The following RPRD1A variants were observed in gnomAD, a reference collection of about 807,000 sequenced individuals.
RPRD1A encodes regulation of nuclear pre-mRNA domain containing 1A.
A neutral mutation model predicts 37.8 loss-of-function variants in RPRD1A; 9 were observed. That is an observed-to-expected ratio of 0.24 (90% CI 0.14 to 0.42). The LOEUF is 0.42. Among genes scored for constraint, RPRD1A ranks in the 10% least tolerant of loss-of-function variants. RPRD1A has a pLI of 1.00. For missense variants in RPRD1A, 255 were observed against 371.0 expected (o/e 0.69, Z 2.57); for synonymous variants, 138 against 139.7 (o/e 0.99, Z 0.08).
intron 1 of RPRD1A, among the ~76,000 whole-genome samples, chr18:36,037,116 CTTTT>C (rs201444690): frequency 6.6e-6 from 1 of 151,868 alleles, no homozygotes; most frequent in African/African-American, 2.4e-5. Context: ...TAAAATGTTA[CTTTT>C]TTTTTCCTTA....
chr18:36,053,198 A>G (rs1913523150), intron 1 of RPRD1A, among the ~76,000 whole-genome samples: 1 of 152,136 alleles, frequency 6.6e-6, no homozygotes, highest in Admixed American at 6.6e-5. Context: ...ACATACCATA[A>G]ATTTAACCAC....
At chr18:36,011,724 C>T (rs924888560) in intron 6 of RPRD1A, among the ~76,000 whole-genome samples, 16 of 152,128 alleles carry the variant, frequency 1.1e-4, no homozygotes, top group Admixed American at 2.6e-4. Flanking sequence ...AAAATGTGCA[C>T]CTTCCACAAA....
chr18:36,009,461 G>C (rs1910031976), intron 6 of RPRD1A, among the ~76,000 whole-genome samples: 1 of 152,166 alleles, frequency 6.6e-6, no homozygotes, highest in Non-Finnish European at 1.5e-5. Context: ...TTCTGACATG[G>C]AACGTTTGTG....
At chr18:36,060,970 A>G (rs1347513654) in intron 1 of RPRD1A, among the ~76,000 whole-genome samples, 1 of 152,132 alleles carries the variant, frequency 6.6e-6, no homozygotes, top group Non-Finnish European at 1.5e-5. Context: ...CTCATAAAAA[A>G]AAAAAAATTT....
At chr18:36,044,784 T>C (rs1401190160) in intron 1 of RPRD1A, among the ~76,000 whole-genome samples, 1 of 151,958 alleles carries the variant, frequency 6.6e-6, no homozygotes, top group Admixed American at 6.6e-5. Flanking sequence ...AAGGACATCT[T>C]GGCACGCTAC....
chr18:36,037,333 ATGAGATCTGATGGTTTCATAAAGAG>A (rs1912263182), intron 1 of RPRD1A, among the ~76,000 whole-genome samples: 1 of 152,112 alleles, frequency 6.6e-6, no homozygotes, highest in Non-Finnish European at 1.5e-5. Flanking sequence ...GTGAGTTCTC[ATGAGATCTGATGGTTTCATAAAGAG>A]CTTTCCCCCA....
At chr18:36,051,027 A>ACCCTCCCAAAACTTAGGGAGTTGG (rs1157975395) in intron 1 of RPRD1A, among the ~76,000 whole-genome samples, 3 of 151,648 alleles carry the variant, frequency 2.0e-5, no homozygotes, top group African/African-American at 7.3e-5. Context: ...ATAATTTTTG[A>ACCCTCCCAAAACTTAGGGAGTTGG]CCCTCCCAAA....
At chr18:36,048,090 C>T (rs1226721417) in intron 1 of RPRD1A, among the ~76,000 whole-genome samples, 1 of 108,802 alleles carries the variant, frequency 9.2e-6, no homozygotes, top group Non-Finnish European at 1.8e-5. Flanking sequence ...TTTTTTGAGA[C>T]AGTTTCGCTC....
chr18:35,996,325 T>A (rs1168427936), intron 6 of RPRD1A, among the ~76,000 whole-genome samples: 1 of 152,218 alleles, frequency 6.6e-6, no homozygotes, highest in African/African-American at 2.4e-5. Flanking sequence ...TTATCAAAGC[T>A]GTTTTGCATA....
intron 6 of RPRD1A, among the ~76,000 whole-genome samples, chr18:36,006,992 G>A (rs185916942): frequency 6.6e-6 from 1 of 152,168 alleles, no homozygotes; most frequent in African/African-American, 2.4e-5. Context: ...TGTATTATGT[G>A]TTCCTGTCTT....
At chr18:36,001,270 G>A (rs1236762933) in intron 6 of RPRD1A, among the ~76,000 whole-genome samples, 2 of 152,180 alleles carry the variant, frequency 1.3e-5, no homozygotes, top group African/African-American at 2.4e-5. Flanking sequence ...AGCAGAGAGA[G>A]TAAGCCAGGA....
chr18:35,993,280 G>A lies in RPRD1A; in HGVS notation c.810C>T (p.Ala270=), dbSNP rs576513342. The A allele has an allele frequency of 1.2e-6, 2 of 1,614,138 alleles. No homozygotes were observed. The change falls in exon 7 of 7, where the codon GCC becomes GCT. Residue 270 remains alanine (A), a synonymous_variant. Transcript: ENST00000399022. The part of the protein sequence containing the change: ...HKLEEYKRKL[A]RVSLVRKELR... ...GTTCTTTGCGCACCAGGGAAACTCT[G>A]GCTAGCTTGCGCTTGTACTCCTGTA...
chr18:36,047,475 G>T (rs1478124590), intron 1 of RPRD1A, among the ~76,000 whole-genome samples: 1 of 151,900 alleles, frequency 6.6e-6, no homozygotes, highest in African/African-American at 2.4e-5. Flanking sequence ...AAATAATAAA[G>T]GTTAGAGCAG....
chr18:36,067,442 G>T lies in RPRD1A; in HGVS notation c.-38C>A. The T allele has an allele frequency of 6.3e-7, 1 of 1,583,144 alleles. No individual in the cohort carries two copies. Among genetic ancestry groups the T allele is most frequent in the South Asian group, 1.1e-5 (1 of 87,180 alleles). ...ACGTTCACGCCGTCCCACGCGGTGG[G>T]GCCGAGGGGAGGAGAGTTTCGCCGC... On this transcript the variant is annotated 5_prime_UTR_variant, in exon 1 of 7. Coordinates refer to ENST00000399022, the MANE Select transcript of RPRD1A (RefSeq NM_018170.5).
rs796226358 is a variant in RPRD1A, at chr18:36,057,004, C to G, written c.151+10250G>C. On this transcript the variant is annotated intron_variant, in intron 1 of 6. Transcript: ENST00000399022. ...CCAAGACAGGAGGATCATCTGAGCCCAGGAGTTCGAGACCAGCCTCAGCAA... is the reference window on the plus strand; with the variant it reads ...CCAAGACAGGAGGATCATCTGAGCCGAGGAGTTCGAGACCAGCCTCAGCAA... Among the ~76,000 whole-genome samples, 15 of 135,602 alleles carry G rather than the reference C, an allele frequency of 1.1e-4. 1 individual carries two copies. Among genetic ancestry groups the G allele is most frequent in the African/African-American group, 4.3e-4 (15 of 34,780 alleles). The allele number at this position is 135,602 out of a possible 152,430, so 89.0% of individuals were successfully genotyped here.
intron 1 of RPRD1A, chr18:36,040,734 T>A (rs1912521947): frequency 1.2e-6 from 1 of 857,966 alleles, no homozygotes; most frequent in South Asian, 1.7e-5. Flanking sequence ...CCACATCTAA[T>A]CATCCCTAAA....
chr18:36,043,823 A>G (rs1199917434), intron 1 of RPRD1A, among the ~76,000 whole-genome samples: 2 of 152,196 alleles, frequency 1.3e-5, no homozygotes, highest in Non-Finnish European at 2.9e-5. Context: ...CAATGAAACA[A>G]TTATTAAAGT....
intron 1 of RPRD1A, among the ~76,000 whole-genome samples, chr18:36,043,486 G>A (rs1039406684): frequency 6.6e-6 from 1 of 152,010 alleles, no homozygotes; most frequent in Middle Eastern, 3.4e-3. Flanking sequence ...AAATTTTTGT[G>A]AAAAAAATAA....
At chr18:36,052,373 A>C (rs563000196) in intron 1 of RPRD1A, among the ~76,000 whole-genome samples, 2 of 152,092 alleles carry the variant, frequency 1.3e-5, no homozygotes, top group African/African-American at 4.8e-5. Flanking sequence ...AACGAACATC[A>C]ATAAAGGTAA....
Sources: gnomAD v4.1 joint callset for allele counts (sites outside exome capture counted in the v4.1 genomes callset) on GRCh38, gnomAD v4.1.1 for gene constraint, MANE v1.5 for transcripts, NCBI Gene and HGNC (gene_info 2026-07-23, HGNC 2026-07-21) for gene names.